CDCA7L: variants seen among roughly 807,000 people sequenced by gnomAD.
CDCA7L encodes the protein cell division cycle-associated 7-like protein.
Under a neutral mutation model 57.4 loss-of-function variants are expected in CDCA7L, and 44 were observed. That is an observed-to-expected ratio of 0.77 (90% CI 0.60 to 0.98). The LOEUF (loss-of-function observed/expected upper bound fraction) is 0.98, where lower values mean the gene tolerates loss of function less well. CDCA7L is among the 50% of genes least tolerant of loss of function. The pLI is 0.00. For missense variants in CDCA7L, 644 were observed against 580.6 expected, an observed-to-expected ratio of 1.11 and a Z score of -1.12; for synonymous variants, 236 against 202.8, an observed-to-expected ratio of 1.16 and a Z score of -1.39.
chr7:21,942,974 A>C (rs1039751655), intron 1 of CDCA7L, among the ~76,000 whole-genome samples: 1 of 152,242 alleles, frequency 6.6e-6, no homozygotes, highest in African/African-American at 2.4e-5. Flanking sequence ...AAGAACATTT[A>C]GCATCATTTC....
At chr7:21,913,534 G>C (rs944507603) in intron 2 of CDCA7L, among the ~76,000 whole-genome samples, 4 of 152,210 alleles carry the variant, frequency 2.6e-5, no homozygotes, top group African/African-American at 9.6e-5. Context: ...ATGGTACACA[G>C]CTGCTGCTAA....
chr7:21,912,952 G>A (rs1785377580), intron 2 of CDCA7L, among the ~76,000 whole-genome samples: 1 of 152,058 alleles, frequency 6.6e-6, no homozygotes, highest in Non-Finnish European at 1.5e-5. Flanking sequence ...GCCAAAGGGA[G>A]ACCCACGAGA....
chr7:21,903,005 T>C lies in CDCA7L; in HGVS notation c.1307A>G (p.Tyr436Cys). Reference protein sequence around the residue: ...ILIHLAKFYGYDNVKEYLESL... With the variant: ...ILIHLAKFYGCDNVKEYLESL... Reference sequence around the variant, plus strand: ...CTCCAGATATTCCTTAACATTGTCATAACCATAAAACTTGGCCAGATGAAT... The same window carrying C: ...CTCCAGATATTCCTTAACATTGTCACAACCATAAAACTTGGCCAGATGAAT... The change falls in exon 9 of 10, where the codon TAT becomes TGT. Residue 436 changes from tyrosine to cysteine, a missense_variant. Physicochemically the swap from Tyr to Cys is radical, Grantham distance 194. Coordinates refer to ENST00000406877, the MANE Select transcript of CDCA7L (RefSeq NM_018719.5). The C allele has an allele frequency of 6.2e-7, 1 of 1,614,098 alleles. No individual in the cohort carries two copies. Among genetic ancestry groups the C allele is most frequent in the Non-Finnish European group, 8.5e-7 (1 of 1,179,970 alleles).
At chr7:21,903,617 C>T (rs1785021339) in intron 8 of CDCA7L, 1 of 115,930 alleles carries the variant, frequency 8.6e-6, no homozygotes, top group African/African-American at 3.7e-5. Flanking sequence ...CGTGCCTACT[C>T]ACCATGATAC....
In CDCA7L at chr7:21,911,677, A is replaced by G; in HGVS notation, c.243T>C (p.Thr81=). The G allele has an allele frequency of 1.2e-6, 2 of 1,613,882 alleles. No individual in the cohort carries two copies. The highest frequency in any genetic ancestry group is 1.7e-6 in the Non-Finnish European group (2 of 1,179,914). Residue 81 remains threonine, a synonymous_variant, in exon 3 of 10, where the codon ACT becomes ACC. Transcript: ENST00000406877. ...RIFIEDTDSE[T]EDFAGFTQSD... is the part of the protein sequence containing the mutation. ...TCTGCGTAAATCCTGCAAAATCCTC[A>G]GTCTCTGAGTCAGTGTCCTCTATAA...
At chr7:21,904,335 AT>A (rs2128056882) in intron 7 of CDCA7L, 76 bp from the exon 8 acceptor site, 3 of 1,369,828 alleles carry the variant, frequency 2.2e-6, no homozygotes, top group Non-Finnish European at 2.9e-6. Context: ...CACCATGTGC[AT>A]TTCCAAGTAT....
intron 1 of CDCA7L, among the ~76,000 whole-genome samples, chr7:21,922,891 T>C (rs771617434): frequency 5.3e-5 from 8 of 152,198 alleles, no homozygotes; most frequent in Non-Finnish European, 8.8e-5. Flanking sequence ...GAAGACGTTA[T>C]GCTAAATGAT....
At position 21,902,119 on chromosome 7, in the gene CDCA7L, C is replaced by CATCTATATAGATTCCTCTGCTCT. The variant is rs1292606072; in HGVS notation, c.*180_*202dup. On this transcript the variant is annotated 3_prime_UTR_variant, in exon 10 of 10. Transcript: ENST00000406877. Reference sequence around the variant, plus strand: ...CAGCATACAGACAGGTCTGTGCATACATCTATATAGATTCCTCTGCTCTGC... The same window carrying CATCTATATAGATTCCTCTGCTCT: ...CAGCATACAGACAGGTCTGTGCATACATCTATATAGATTCCTCTGCTCTATCTATATAGATTCCTCTGCTCTGC... 33 of 618,096 alleles carry CATCTATATAGATTCCTCTGCTCT rather than the reference C, an allele frequency of 5.3e-5. No homozygotes were observed. Among genetic ancestry groups the CATCTATATAGATTCCTCTGCTCT allele is most frequent in the Non-Finnish European group, 6.1e-5 (21 of 345,880 alleles). The allele number at this position is 618,096 out of a possible 1,614,324, so 38.3% of individuals were successfully genotyped here. A position where few individuals can be genotyped will look rare whatever the true frequency, so the allele number is the denominator to read the frequency against.
rs947325972 is a variant in CDCA7L at position 21,911,875 on chromosome 7, G to C, written c.166-121C>G. On this transcript the variant is annotated intron_variant, in intron 2 of 9. Coordinates refer to ENST00000406877, the MANE Select transcript of CDCA7L (RefSeq NM_018719.5). ...CTGATGGAGATGACGAAAATGGATG[G>C]ACAACAATGTGAATGTACTTAATGC... 4 of 788,036 alleles carry C rather than the reference G, an allele frequency of 5.1e-6. No homozygotes were observed. The African/African-American group carries it at 5.3e-5, about 10-fold the overall frequency. The allele number at this position is 788,036 out of a possible 1,614,324, so 48.8% of individuals were successfully genotyped here.
rs1222385565 is a variant in CDCA7L, at chr7:21,901,651, T to G, written c.*671A>C. On this transcript the variant is annotated 3_prime_UTR_variant, in exon 10 of 10. Coordinates refer to ENST00000406877, the MANE Select transcript of CDCA7L (RefSeq NM_018719.5). ...AGCCGGAAAGAACGGAGATTTTAAT[T>G]TTTAACAAACAACAAATTAAATTAT... 1 of 158,148 alleles carries G rather than the reference T, an allele frequency of 6.3e-6. No individual in the cohort carries two copies. The highest frequency in any genetic ancestry group is 1.4e-5 in the Non-Finnish European group (1 of 71,934). The allele number at this position is 158,148 out of a possible 1,614,324, so 9.8% of individuals were successfully genotyped here.
Position 21,943,470 on chromosome 7 carries a change from A to G in CDCA7L, c.24+2311T>C, listed in dbSNP as rs535960450. Among the ~76,000 whole-genome samples, 6 of 152,360 alleles carry G rather than the reference A, an allele frequency of 3.9e-5. No homozygotes were observed. The South Asian group carries it at 1.2e-3, about 32-fold the overall frequency. Reference sequence around the variant, plus strand: ...GCGACATTTGATGTGCAGTAATGCCACTTCAGGTGGTTCATCACATTGCTT... The same window carrying G: ...GCGACATTTGATGTGCAGTAATGCCGCTTCAGGTGGTTCATCACATTGCTT... On this transcript the variant is annotated intron_variant, in intron 1 of 9. Coordinates refer to ENST00000406877, the MANE Select transcript of CDCA7L (RefSeq NM_018719.5).
chr7:21,912,020 G>A (rs985092351), intron 2 of CDCA7L, among the ~76,000 whole-genome samples: 8 of 151,082 alleles, frequency 5.3e-5, no homozygotes, highest in Non-Finnish European at 1.2e-4. Context: ...CCAGCACTTT[G>A]GGAGACCGAG....
intron 1 of CDCA7L, among the ~76,000 whole-genome samples, chr7:21,937,787 T>C (rs1786218995): frequency 6.6e-6 from 1 of 152,142 alleles, no homozygotes; most frequent in African/African-American, 2.4e-5. Context: ...AGAGCCCAGA[T>C]ACAAACCCTT....
chr7:21,905,795 T>G (rs1785119313), intron 6 of CDCA7L, 164 bp from the exon 7 acceptor site: 6 of 743,394 alleles, frequency 8.1e-6, no homozygotes. Context: ...TCCTGCCACC[T>G]GCCAAGCTTC....
At chr7:21,919,231 T>C (rs906663468) in intron 1 of CDCA7L, among the ~76,000 whole-genome samples, 1 of 152,182 alleles carries the variant, frequency 6.6e-6, no homozygotes, top group Admixed American at 6.5e-5. Flanking sequence ...CCCCCTTTTC[T>C]TCTACCATGT....
chr7:21,918,259 A>T (rs536984781), intron 1 of CDCA7L, among the ~76,000 whole-genome samples: 1 of 152,208 alleles, frequency 6.6e-6, no homozygotes, highest in Non-Finnish European at 1.5e-5. Context: ...TGTAATGAGC[A>T]CACATTGATC....
rs112482369 is a variant in CDCA7L, at chr7:21,934,372, A to G, written c.24+11409T>C. ...CAAACCAGATTGCTATAACTTTAGA[A>G]TGTTATATGTAATCTCCATGGTAAC... is the stretch of plus-strand genomic sequence containing the variant. On this transcript the variant is annotated intron_variant, in intron 1 of 9. Coordinates refer to ENST00000406877, the MANE Select transcript of CDCA7L (RefSeq NM_018719.5). Among the ~76,000 whole-genome samples the G allele has an allele frequency of 1.8e-3, 273 of 152,306 alleles. 1 individual carries two copies. The highest frequency in any genetic ancestry group is 0.01 in the Middle Eastern group (3 of 294).
Position 21,904,189 on chromosome 7 carries a change from C to G in CDCA7L, c.1118G>C (p.Cys373Ser). 3 of 1,613,920 alleles carry G rather than the reference C, an allele frequency of 1.9e-6. No homozygotes were observed. The highest frequency in any genetic ancestry group is 2.5e-6 in the Non-Finnish European group (3 of 1,179,914). The change falls in exon 8 of 10, where the codon TGT (cysteine) becomes TCT (serine). Residue 373 changes from cysteine to serine, a missense_variant. Physicochemically the swap from Cys to Ser is moderately radical, Grantham distance 112 (BLOSUM62 -1). Coordinates refer to ENST00000406877, the MANE Select transcript of CDCA7L (RefSeq NM_018719.5). ...TCCACAGAACTGTCCTCGCACACCACAGCAACCCTGGTTCCGACACACTGT... is the reference window on the plus strand; with the variant it reads ...TCCACAGAACTGTCCTCGCACACCAGAGCAACCCTGGTTCCGACACACTGT... ...TKTVCRNQGC[C>S]GVRGQFCGPC...
chr7:21,902,941 T>C, intron 9 of CDCA7L, 37 bp downstream of exon 9: 1 of 1,600,470 alleles, frequency 6.2e-7, no homozygotes, highest in African/African-American at 1.3e-5. Context: ...GCCTCAAGAT[T>C]TCAAGCTGTT....
Sources: allele counts gnomAD v4.1 joint callset (sites outside exome capture counted in the v4.1 genomes callset), GRCh38; gene constraint gnomAD v4.1.1; transcripts MANE v1.5; gene names NCBI Gene and HGNC (gene_info 2026-07-23, HGNC 2026-07-21).